FBXO33: variants seen among roughly 807,000 people sequenced by gnomAD.
The protein encoded by FBXO33 is F-box protein 33.
Under a neutral mutation model 46.3 loss-of-function variants are expected in FBXO33, and 22 were observed. That is an observed-to-expected ratio of 0.48 (90% CI 0.34 to 0.68). The LOEUF is 0.68. Ranked by LOEUF, FBXO33 falls within the 30% of genes least tolerant of loss-of-function variation. FBXO33 has a pLI of 0.01. For synonymous variants in FBXO33, 337 were observed against 291.3 expected (o/e 1.16, Z -1.60); for missense variants, 692 against 708.8 (o/e 0.98, Z 0.27).
At position 39,432,410 on chromosome 14, in the gene FBXO33, G is replaced by A. The variant is rs1453302684; in HGVS notation, c.-248C>T. 1 of 238,928 alleles carries A rather than the reference G, an allele frequency of 4.2e-6. No homozygotes were observed. The highest frequency in any genetic ancestry group is 1.8e-4 in the South Asian group (1 of 5,696). The allele number at this position is 238,928 out of a possible 1,614,324, so 14.8% of individuals were successfully genotyped here. A position where few individuals can be genotyped will look rare whatever the true frequency, so the allele number is the denominator to read the frequency against. On this transcript the variant is annotated 5_prime_UTR_variant, in exon 1 of 4. Coordinates refer to ENST00000298097, the MANE Select transcript of FBXO33 (RefSeq NM_203301.4). Reference sequence around the variant, plus strand: ...AGGAAAAGGCAGCCCTCCCTGCGCCGGTCGGCAGAGACAGAGAAGTGGTAG... The same window carrying A: ...AGGAAAAGGCAGCCCTCCCTGCGCCAGTCGGCAGAGACAGAGAAGTGGTAG...
chr14:39,409,722 C>T (rs1372476015), intron 1 of FBXO33, among the ~76,000 whole-genome samples: 1 of 152,100 alleles, frequency 6.6e-6, no homozygotes, highest in Non-Finnish European at 1.5e-5. Flanking sequence ...AGATGTTTTT[C>T]CATTTATTTG....
chr14:39,408,803 G>C lies in FBXO33; in HGVS notation c.600-6292C>G, dbSNP rs2075410033. ...CTCACATTTTTTTTCTTTTAGACAG[G>C]GTCCTGCTGTTTCCCAGCATGGAAT... On this transcript the variant is annotated intron_variant, in intron 1 of 3. Transcript: ENST00000298097. Among the ~76,000 whole-genome samples the C allele has an allele frequency of 4.0e-5, 6 of 151,354 alleles. No individual in the cohort carries two copies. In the South Asian group the frequency reaches 1.2e-3, roughly 31 times the overall value.
In FBXO33 at chr14:39,401,321, T is replaced by C. The variant is rs146677670; in HGVS notation, c.1251A>G (p.Gln417=). The change falls in exon 3 of 4, where the codon CAA becomes CAG. Residue 417 remains glutamine (Q), a synonymous_variant. Coordinates refer to ENST00000298097, the MANE Select transcript of FBXO33 (RefSeq NM_203301.4). ...TAAAATGAGTGAGGAACTTGTCATATTGCCTGGATATAAGATCAACAATAG... is the reference window on the plus strand; with the variant it reads ...TAAAATGAGTGAGGAACTTGTCATACTGCCTGGATATAAGATCAACAATAG... The part of the protein sequence containing the change: ...SGAIVDLISR[Q]YDKFLTHFIL... 6.2e-6 allele frequency: 10 copies of C among 1,614,060 alleles called. No homozygotes were observed. The highest frequency in any genetic ancestry group is 8.5e-6 in the Non-Finnish European group (10 of 1,180,022).
In FBXO33 at chr14:39,431,854, G is replaced by T; in HGVS notation, c.309C>A (p.Phe103Leu). The T allele has an allele frequency of 6.3e-7, 1 of 1,595,528 alleles. No individual in the cohort carries two copies. Among genetic ancestry groups the T allele is most frequent in the East Asian group, 2.3e-5 (1 of 44,434 alleles). ...GGAGCTGGGGCCACAGGGCCGGATA[G>T]AAGAGGCACTCACGCCAGTGCGAGC... ...ASCSHWRECL[F>L]YPALWPQLRI... is the part of the protein sequence containing the mutation. Residue 103 changes from phenylalanine to leucine, a missense_variant, in exon 1 of 4, where the codon TTC becomes TTA. By Grantham distance (22) the Phe-to-Leu change is conservative. This residue lies in a region of FBXO33 where 412 missense variants were observed against 370.8 expected (regional missense o/e 1.11). Coordinates refer to ENST00000298097, the MANE Select transcript of FBXO33 (RefSeq NM_203301.4).
intron 1 of FBXO33, among the ~76,000 whole-genome samples, chr14:39,425,506 T>G (rs1200932391): frequency 6.6e-6 from 1 of 152,230 alleles, no homozygotes; most frequent in Admixed American, 6.5e-5. Flanking sequence ...ACATATAACT[T>G]TTTTCCTTTT....
chr14:39,422,423 A>G (rs529417357), intron 1 of FBXO33, among the ~76,000 whole-genome samples: 7 of 152,328 alleles, frequency 4.6e-5, no homozygotes, highest in Non-Finnish European at 1.0e-4. Context: ...AGCTATTCCC[A>G]ACACAGTAGC....
chr14:39,399,899 C>T (rs2075360880), intron 3 of FBXO33, 112 bp from the exon 4 acceptor site: 2 of 1,210,118 alleles, frequency 1.7e-6, no homozygotes, highest in Admixed American at 6.3e-5. Flanking sequence ...ATTTGTATCT[C>T]ACTTACCGTT....
At chr14:39,414,319 G>T (rs564013524) in intron 1 of FBXO33, among the ~76,000 whole-genome samples, 5 of 152,334 alleles carry the variant, frequency 3.3e-5, no homozygotes, top group Admixed American at 1.3e-4. Flanking sequence ...AAGAGCATTA[G>T]AGCCTTGCTC....
At chr14:39,416,320 T>G (rs1034263961) in intron 1 of FBXO33, among the ~76,000 whole-genome samples, 1 of 152,106 alleles carries the variant, frequency 6.6e-6, no homozygotes, top group African/African-American at 2.4e-5. Context: ...TTTTGACAAT[T>G]TGATTATAAT....
chr14:39,419,392 T>C (rs1338328416), intron 1 of FBXO33, among the ~76,000 whole-genome samples: 1 of 152,172 alleles, frequency 6.6e-6, no homozygotes, highest in Non-Finnish European at 1.5e-5. Context: ...AGCTTTCAAA[T>C]ACATGGTGTT....
At chr14:39,419,472 T>C (rs2075469453) in intron 1 of FBXO33, among the ~76,000 whole-genome samples, 1 of 152,184 alleles carries the variant, frequency 6.6e-6, no homozygotes, top group Non-Finnish European at 1.5e-5. Context: ...CTCATTATTG[T>C]TTCAGATAGT....
chr14:39,426,476 A>G (rs190139287), intron 1 of FBXO33, among the ~76,000 whole-genome samples: 6 of 152,294 alleles, frequency 3.9e-5, no homozygotes, highest in Non-Finnish European at 8.8e-5. Context: ...TAAAATGCAA[A>G]TGATATCACA....
At chr14:39,426,702 C>T (rs567821668) in intron 1 of FBXO33, among the ~76,000 whole-genome samples, 2 of 152,134 alleles carry the variant, frequency 1.3e-5, no homozygotes, top group African/African-American at 2.4e-5. Flanking sequence ...AAGACCTTAG[C>T]GCTTACTGTT....
Position 39,431,846 on chromosome 14 carries a change from G to A in FBXO33, c.317C>T (p.Ala106Val), listed in dbSNP as rs756960115. ...SHWRECLFYP[A>V]LWPQLRICLR... is the part of the protein sequence containing the mutation. ...GCAGATGCGGAGCTGGGGCCACAGG[G>A]CCGGATAGAAGAGGCACTCACGCCA... Residue 106 changes from alanine to valine, a missense_variant, in exon 1 of 4, where the codon GCC becomes GTC. Physicochemically the swap from Ala to Val is moderately conservative, Grantham distance 64 (BLOSUM62 0). Coordinates refer to ENST00000298097, the MANE Select transcript of FBXO33 (RefSeq NM_203301.4). 7 of 1,600,350 alleles carry A rather than the reference G, an allele frequency of 4.4e-6. No individual in the cohort carries two copies. The highest frequency in any genetic ancestry group is 1.1e-5 in the South Asian group (1 of 90,260).
chr14:39,432,276 C>A lies in FBXO33; in HGVS notation c.-114G>T. 1 of 886,214 alleles carries A rather than the reference C, an allele frequency of 1.1e-6. No homozygotes were observed. The highest frequency in any genetic ancestry group is 1.4e-6 in the Non-Finnish European group (1 of 691,554). The allele number at this position is 886,214 out of a possible 1,614,324, so 54.9% of individuals were successfully genotyped here. On this transcript the variant is annotated 5_prime_UTR_variant, in exon 1 of 4. In the 5' UTR this introduces an upstream ATG that the reference lacks. Coordinates refer to ENST00000298097, the MANE Select transcript of FBXO33 (RefSeq NM_203301.4). Reference sequence around the variant, plus strand: ...CGGGCGTGGCCTGCCGGGAGCCAGCCTCTGTCTTCTCAAACTCTACTCACG... The same window carrying A: ...CGGGCGTGGCCTGCCGGGAGCCAGCATCTGTCTTCTCAAACTCTACTCACG...
Position 39,399,387 on chromosome 14 carries a change from C to T in FBXO33, c.*129G>A. The T allele has an allele frequency of 1.3e-6, 1 of 796,120 alleles. No individual in the cohort carries two copies. Among genetic ancestry groups the T allele is most frequent in the Admixed American group, 3.0e-5 (1 of 33,352 alleles). The allele number at this position is 796,120 out of a possible 1,614,324, so 49.3% of individuals were successfully genotyped here. On this transcript the variant is annotated 3_prime_UTR_variant, in exon 4 of 4. Transcript: ENST00000298097. ...TTCTTTGATCAAGAAGTAGAATATA[C>T]ATATATAATTCTATAAAGCTAATAC...
Position 39,421,694 on chromosome 14 carries a change from G to A in FBXO33, c.599+9870C>T, listed in dbSNP as rs2075484855. 3.9e-5 allele frequency among the ~76,000 whole-genome samples: 6 copies of A among 152,144 alleles called. No homozygotes were observed. The East Asian group carries it at 5.8e-4, about 15-fold the overall frequency. Reference sequence around the variant, plus strand: ...ATGAACAGAACACTGCTGTACAAGTGCTTGGTGATAAATGAGTTAAACAAC... The same window carrying A: ...ATGAACAGAACACTGCTGTACAAGTACTTGGTGATAAATGAGTTAAACAAC... On this transcript the variant is annotated intron_variant, in intron 1 of 3. Coordinates refer to ENST00000298097, the MANE Select transcript of FBXO33 (RefSeq NM_203301.4).
At chr14:39,409,401 T>C (rs185767443) in intron 1 of FBXO33, among the ~76,000 whole-genome samples, 1 of 152,188 alleles carries the variant, frequency 6.6e-6, no homozygotes, top group East Asian at 1.9e-4. Flanking sequence ...AATGAGTGGG[T>C]TTATTTATGG....
chr14:39,405,674 T>G (rs1405770832), intron 1 of FBXO33, among the ~76,000 whole-genome samples: 1 of 151,914 alleles, frequency 6.6e-6, no homozygotes, highest in Non-Finnish European at 1.5e-5. Flanking sequence ...CATACCTCAC[T>G]AAAAAGGGCA....
Sources: allele counts gnomAD v4.1 joint callset (sites outside exome capture counted in the v4.1 genomes callset), GRCh38; gene constraint gnomAD v4.1.1; regional missense constraint gnomAD v4.1.1; transcripts MANE v1.5; gene names NCBI Gene and HGNC (gene_info 2026-07-23, HGNC 2026-07-21).